KCNB2: variants seen among roughly 807,000 people sequenced by gnomAD.
KCNB2 encodes the protein delayed rectifier potassium channel protein.
A neutral mutation model predicts 61.5 loss-of-function variants in KCNB2; 15 were observed. The ratio of observed to expected loss-of-function variants is 0.24; its 90% confidence interval spans 0.16 to 0.38. The LOEUF is 0.38. Ranked by LOEUF, KCNB2 falls within the 10% of genes least tolerant of loss-of-function variation. The pLI is 1.00. For synonymous variants in KCNB2, 457 were observed against 446.0 expected, an observed-to-expected ratio of 1.02 and a Z score of -0.31; for missense variants, 828 against 1,125.2, an observed-to-expected ratio of 0.74 and a Z score of 3.78.
intron 2 of KCNB2, among the ~76,000 whole-genome samples, chr8:72,662,721 TTC>T (rs1421321734): frequency 1.3e-5 from 2 of 152,142 alleles, no homozygotes; most frequent in Non-Finnish European, 2.9e-5. Flanking sequence ...TTCTTCCTTG[TTC>T]TGTGTCTGGC....
chr8:72,610,381 A>T (rs1805518967), intron 2 of KCNB2, among the ~76,000 whole-genome samples: 1 of 152,208 alleles, frequency 6.6e-6, no homozygotes, highest in Non-Finnish European at 1.5e-5. Context: ...TAAGCAATGG[A>T]ATTAGGATAA....
At chr8:72,789,940 A>T (rs1808910608) in intron 2 of KCNB2, among the ~76,000 whole-genome samples, 1 of 152,078 alleles carries the variant, frequency 6.6e-6, no homozygotes, top group African/African-American at 2.4e-5. Flanking sequence ...GTTTGCAGTT[A>T]ATTAGAGATG....
intron 2 of KCNB2, among the ~76,000 whole-genome samples, chr8:72,582,776 C>A (rs1806925873): frequency 4.6e-5 from 7 of 152,072 alleles, no homozygotes; most frequent in Admixed American, 3.9e-4. Flanking sequence ...CCACACCCAA[C>A]TAATTTTTAA....
chr8:72,702,116 A>G (rs1369264157), intron 2 of KCNB2, among the ~76,000 whole-genome samples: 1 of 152,190 alleles, frequency 6.6e-6, no homozygotes, highest in Non-Finnish European at 1.5e-5. Flanking sequence ...TGTCACTGAT[A>G]ATGAAGCCAA....
At chr8:72,583,057 T>G (rs1806932682) in intron 2 of KCNB2, among the ~76,000 whole-genome samples, 1 of 152,204 alleles carries the variant, frequency 6.6e-6, no homozygotes, top group Non-Finnish European at 1.5e-5. Flanking sequence ...AAAAAAAATT[T>G]TTGGAAACTC....
chr8:72,833,979 G>A (rs1030767329), intron 2 of KCNB2, among the ~76,000 whole-genome samples: 2 of 152,260 alleles, frequency 1.3e-5, no homozygotes, highest in Admixed American at 1.3e-4. Context: ...TGACAGCAGT[G>A]ATATGTTGAT....
chr8:72,586,809 C>T (rs1464308259), intron 2 of KCNB2, among the ~76,000 whole-genome samples: 1 of 152,172 alleles, frequency 6.6e-6, no homozygotes, highest in African/African-American at 2.4e-5. Context: ...CTATAGTCAA[C>T]AATCCAACCA....
At chr8:72,562,241 T>C (rs1473168554) in intron 1 of KCNB2, among the ~76,000 whole-genome samples, 2 of 152,148 alleles carry the variant, frequency 1.3e-5, no homozygotes, top group Non-Finnish European at 1.5e-5. Flanking sequence ...GTCAAGTGTA[T>C]GACATAATGC....
chr8:72,902,112 T>G (rs1806101989), intron 2 of KCNB2, among the ~76,000 whole-genome samples: 1 of 152,116 alleles, frequency 6.6e-6, no homozygotes, highest in East Asian at 1.9e-4. Context: ...CAGTGGTCCA[T>G]GGACCAAGTA....
At chr8:72,656,687 A>G (rs1806298080) in intron 2 of KCNB2, among the ~76,000 whole-genome samples, 1 of 152,192 alleles carries the variant, frequency 6.6e-6, no homozygotes, top group Admixed American at 6.6e-5. Flanking sequence ...AAGCCTTCAC[A>G]TTATATTCAT....
chr8:72,767,736 G>A (rs1808483901), intron 2 of KCNB2, among the ~76,000 whole-genome samples: 1 of 152,184 alleles, frequency 6.6e-6, no homozygotes, highest in African/African-American at 2.4e-5. Context: ...TTCTCTAGGA[G>A]TGGAATTACT....
chr8:72,719,320 C>G (rs1397021078), intron 2 of KCNB2, among the ~76,000 whole-genome samples: 1 of 152,148 alleles, frequency 6.6e-6, no homozygotes, highest in Non-Finnish European at 1.5e-5. Context: ...AGTGGAAGCA[C>G]TGGGAAGATA....
chr8:72,875,237 C>CAAA (rs1324056990), intron 2 of KCNB2: 3 of 152,172 alleles, frequency 2.0e-5, no homozygotes, highest in African/African-American at 7.2e-5. Flanking sequence ...ACCCTCAGAA[C>CAAA]AAAAAGAGGG....
intron 2 of KCNB2, among the ~76,000 whole-genome samples, chr8:72,625,046 GA>G (rs1291453554): frequency 6.6e-6 from 1 of 152,206 alleles, no homozygotes; most frequent in Non-Finnish European, 1.5e-5. Context: ...CCCCATAGGA[GA>G]CCCCAGCACC....
At chr8:72,722,357 TCA>T (rs139776019) in intron 2 of KCNB2, among the ~76,000 whole-genome samples, 195 of 152,264 alleles carry the variant, frequency 1.3e-3, no homozygotes, top group African/African-American at 4.3e-3. Flanking sequence ...TTAAGGCAAA[TCA>T]CCATGATGCC....
intron 2 of KCNB2, among the ~76,000 whole-genome samples, chr8:72,823,582 T>C (rs1466478668): frequency 6.6e-6 from 1 of 152,244 alleles, no homozygotes. Flanking sequence ...AGATTCATGA[T>C]GTTCAAGTTG....
intron 2 of KCNB2, among the ~76,000 whole-genome samples, chr8:72,584,113 A>ACC (rs35596138): frequency 6.7e-6 from 1 of 150,364 alleles, no homozygotes; most frequent in Non-Finnish European, 1.5e-5. Context: ...AAACAAAAAA[A>ACC]AACAGAAAAA....
In KCNB2 at chr8:72,567,857, G is replaced by C. The variant is rs190037930; in HGVS notation, c.123G>C (p.Val41=). Residue 41 remains valine, a synonymous_variant, in exon 2 of 3, where the codon GTG becomes GTC. Coordinates refer to ENST00000523207, the MANE Select transcript of KCNB2 (RefSeq NM_004770.3). ...KTCSRRVKIN[V]GGLNHEVLWR... ...GCTCCAGGAGAGTTAAGATCAATGT[G>C]GGGGGCCTCAACCACGAAGTCCTGT... 1.2e-6 allele frequency: 2 copies of C among 1,614,008 alleles called. No homozygotes were observed. Among genetic ancestry groups the C allele is most frequent in the African/African-American group, 1.3e-5 (1 of 75,004 alleles).
intron 2 of KCNB2, among the ~76,000 whole-genome samples, chr8:72,935,151 C>G (rs11784364): frequency 1.3e-5 from 2 of 151,940 alleles, no homozygotes; most frequent in African/African-American, 4.8e-5. Context: ...AGAGCTCAGA[C>G]TGCCTGACTC....
Sources: allele counts gnomAD v4.1 joint callset (sites outside exome capture counted in the v4.1 genomes callset), GRCh38; gene constraint gnomAD v4.1.1; transcripts MANE v1.5; gene names NCBI Gene and HGNC (gene_info 2026-07-23, HGNC 2026-07-21).